PLCXD3: variants seen among roughly 807,000 people sequenced by gnomAD.
PLCXD3 encodes phosphatidylinositol specific phospholipase C X domain containing 3.
PLCXD3 carries 19 observed loss-of-function variants against 25.5 expected under a neutral mutation model. That is an observed-to-expected ratio of 0.75 (90% CI 0.52 to 1.09). The LOEUF (loss-of-function observed/expected upper bound fraction) is 1.09, where lower values mean the gene tolerates loss of function less well. Among genes scored for constraint, PLCXD3 ranks in the 50% least tolerant of loss-of-function variants. The probability of loss-of-function intolerance (pLI) is 0.00; values close to 1 mark genes in which losing one functional copy is unlikely to be tolerated. For missense variants in PLCXD3, 411 were observed against 388.1 expected, an observed-to-expected ratio of 1.06 and a Z score of -0.50; for synonymous variants, 174 against 137.6, an observed-to-expected ratio of 1.26 and a Z score of -1.85.
chr5:41,442,507 A>T lies in PLCXD3; in HGVS notation c.104-59973T>A, dbSNP rs775957308. Among the ~76,000 whole-genome samples the T allele has an allele frequency of 4.6e-5, 7 of 152,340 alleles. No homozygotes were observed. In the East Asian group the frequency reaches 1.3e-3, roughly 29 times the overall value. On this transcript the variant is annotated intron_variant, in intron 1 of 2. Coordinates refer to ENST00000377801, the MANE Select transcript of PLCXD3 (RefSeq NM_001005473.3). ...GTTACCTGTAAAGTGGGAGAAAAAT[A>T]AAAGACAACCTCAGAGGAGTATTAC...
At chr5:41,397,572 GAC>G (rs1746046698) in intron 1 of PLCXD3, among the ~76,000 whole-genome samples, 1 of 152,190 alleles carries the variant, frequency 6.6e-6, no homozygotes, top group Non-Finnish European at 1.5e-5. Context: ...TTGGAGCCAC[GAC>G]ACAGAGTCCC....
At chr5:41,463,294 T>G (rs968715158) in intron 1 of PLCXD3, among the ~76,000 whole-genome samples, 20 of 152,102 alleles carry the variant, frequency 1.3e-4, no homozygotes, top group Non-Finnish European at 2.4e-4. Context: ...CCAGCATGAC[T>G]GGGTTCTGCT....
chr5:41,448,684 CCCTA>C (rs1214051423), intron 1 of PLCXD3, among the ~76,000 whole-genome samples: 1 of 152,122 alleles, frequency 6.6e-6, no homozygotes, highest in East Asian at 1.9e-4. Flanking sequence ...TTTCTTCTTT[CCCTA>C]CCTCTTTTTT....
chr5:41,345,723 C>T (rs545141857), intron 2 of PLCXD3, among the ~76,000 whole-genome samples: 4 of 150,838 alleles, frequency 2.7e-5, no homozygotes, highest in African/African-American at 7.3e-5. Context: ...CACACACATT[C>T]AGGTCACTAA....
At chr5:41,348,344 G>T (rs1453194882) in intron 2 of PLCXD3, among the ~76,000 whole-genome samples, 2 of 152,118 alleles carry the variant, frequency 1.3e-5, no homozygotes, top group African/African-American at 4.8e-5. Flanking sequence ...GTACAGCTGA[G>T]AATTCTTGTC....
At chr5:41,436,292 G>A (rs1171358866) in intron 1 of PLCXD3, among the ~76,000 whole-genome samples, 1 of 151,866 alleles carries the variant, frequency 6.6e-6, no homozygotes, top group Non-Finnish European at 1.5e-5. Context: ...TTGATACAAA[G>A]CAAGTTAGCA....
intron 1 of PLCXD3, among the ~76,000 whole-genome samples, chr5:41,385,920 A>T (rs1745619662): frequency 6.6e-6 from 1 of 152,102 alleles, no homozygotes; most frequent in Non-Finnish European, 1.5e-5. Flanking sequence ...ATAATCCTGC[A>T]TGAGTGAGAT....
At chr5:41,451,196 A>AC (rs1375278371) in intron 1 of PLCXD3, among the ~76,000 whole-genome samples, 1 of 152,050 alleles carries the variant, frequency 6.6e-6, no homozygotes, top group Non-Finnish European at 1.5e-5. Flanking sequence ...CCTCAACGTA[A>AC]CCTGAGACAT....
chr5:41,458,940 T>C (rs553144657), intron 1 of PLCXD3, among the ~76,000 whole-genome samples: 87 of 152,088 alleles, frequency 5.7e-4, no homozygotes, highest in Admixed American at 9.2e-4. Flanking sequence ...AAGAGATACA[T>C]TTATTTTTCT....
rs71608605 is a variant in PLCXD3 at position 41,372,298 on chromosome 5, T to TCACACA, written c.812+9522_812+9527dup. Among the ~76,000 whole-genome samples the TCACACA allele has an allele frequency of 2.5e-4, 28 of 110,788 alleles. No individual in the cohort carries two copies. The East Asian group carries it at 2.8e-3, about 11-fold the overall frequency. The allele number at this position is 110,788 out of a possible 152,430, so 72.7% of individuals were successfully genotyped here. On this transcript the variant is annotated intron_variant, in intron 2 of 2. Transcript: ENST00000377801. ...TTCATTCTCTCTCTCTCTCTCTCTCTCACACACACACACACACACACACAC... is the reference window on the plus strand; with the variant it reads ...TTCATTCTCTCTCTCTCTCTCTCTCTCACACACACACACACACACACACACACACAC...
At chr5:41,453,541 G>A (rs1377913890) in intron 1 of PLCXD3, among the ~76,000 whole-genome samples, 1 of 151,886 alleles carries the variant, frequency 6.6e-6, no homozygotes, top group African/African-American at 2.4e-5. Flanking sequence ...ATTTATCGTG[G>A]TCAAGTTATT....
intron 2 of PLCXD3, among the ~76,000 whole-genome samples, chr5:41,343,931 G>A (rs982856654): frequency 6.6e-6 from 1 of 151,954 alleles, no homozygotes; most frequent in African/African-American, 2.4e-5. Context: ...CACACCTCAG[G>A]CTTCCATTTC....
intron 1 of PLCXD3, among the ~76,000 whole-genome samples, chr5:41,486,777 C>T (rs1289555408): frequency 6.6e-6 from 1 of 152,112 alleles, no homozygotes; most frequent in African/African-American, 2.4e-5. Flanking sequence ...GTATATTATC[C>T]TCTTGAATTC....
chr5:41,370,359 A>G (rs1388315788), intron 2 of PLCXD3, among the ~76,000 whole-genome samples: 2 of 152,188 alleles, frequency 1.3e-5, no homozygotes, highest in African/African-American at 4.8e-5. Flanking sequence ...AAATCCTCCA[A>G]GGTCAGGTAT....
intron 2 of PLCXD3, among the ~76,000 whole-genome samples, chr5:41,355,023 G>A: frequency 6.6e-6 from 1 of 152,096 alleles, no homozygotes; most frequent in East Asian, 1.9e-4. Flanking sequence ...AAAACATGTA[G>A]TTTTCTATGA....
intron 1 of PLCXD3, among the ~76,000 whole-genome samples, chr5:41,503,437 G>T (rs1748994931): frequency 6.6e-6 from 1 of 152,130 alleles, no homozygotes; most frequent in African/African-American, 2.4e-5. Context: ...TCCAGGATCT[G>T]TAATGAAATA....
intron 1 of PLCXD3, among the ~76,000 whole-genome samples, chr5:41,384,524 A>G (rs1326207229): frequency 6.6e-6 from 1 of 152,100 alleles, no homozygotes; most frequent in Non-Finnish European, 1.5e-5. Context: ...GGTAGATGAA[A>G]GTAATTGGTT....
intron 2 of PLCXD3, among the ~76,000 whole-genome samples, chr5:41,346,499 C>G (rs1393087872): frequency 6.6e-6 from 1 of 152,148 alleles, no homozygotes; most frequent in Non-Finnish European, 1.5e-5. Context: ...CCACCCTCCC[C>G]TAAACCAAAA....
At chr5:41,390,910 G>A (rs1409903812) in intron 1 of PLCXD3, among the ~76,000 whole-genome samples, 5 of 152,174 alleles carry the variant, frequency 3.3e-5, no homozygotes, top group Non-Finnish European at 5.9e-5. Flanking sequence ...ACTGGGGGAG[G>A]AAGAACACAG....
Sources: allele counts gnomAD v4.1 joint callset (sites outside exome capture counted in the v4.1 genomes callset), GRCh38; gene constraint gnomAD v4.1.1; transcripts MANE v1.5; gene names NCBI Gene and HGNC (gene_info 2026-07-23, HGNC 2026-07-21).